The following NEO1 variants were observed in gnomAD, a reference collection of about 807,000 sequenced individuals.
NEO1 encodes neogenin 1, also known as neogenin.
NEO1 carries 63 observed loss-of-function variants against 159.7 expected under a neutral mutation model. That is an observed-to-expected ratio of 0.39 (90% CI 0.32 to 0.49). NEO1 has a LOEUF of 0.49. Among genes scored for constraint, NEO1 ranks in the 20% least tolerant of loss-of-function variants. NEO1 has a pLI of 0.85. For synonymous variants in NEO1, 633 were observed against 662.0 expected, an observed-to-expected ratio of 0.96 and a Z score of 0.67; for missense variants, 1,615 against 1,831.0, an observed-to-expected ratio of 0.88 and a Z score of 2.15.
At chr15:73,124,979 T>C (rs527581804) in intron 3 of NEO1, among the ~76,000 whole-genome samples, 3 of 152,356 alleles carry the variant, frequency 2.0e-5, no homozygotes, top group Non-Finnish European at 2.9e-5. Context: ...ATACCAATAT[T>C]ATTCAGTCTG....
chr15:73,274,955 A>C (rs1204392093), intron 21 of NEO1, among the ~76,000 whole-genome samples: 1 of 152,178 alleles, frequency 6.6e-6, no homozygotes. Context: ...CTGGTCCTGC[A>C]GCTGTAGGAG....
rs1021209652 is a variant in NEO1, at chr15:73,096,277, G to A, written c.131-20263G>A. 5.9e-5 allele frequency among the ~76,000 whole-genome samples: 9 copies of A among 152,186 alleles called. No homozygotes were observed. In the East Asian group the frequency reaches 9.6e-4, roughly 16 times the overall value. On this transcript the variant is annotated intron_variant, in intron 1 of 28. Transcript: ENST00000261908. ...AAGAAGTTGAGCAAACTTTTCACTC[G>A]ATAGATATCAAAACCATTGTGCCCA...
At chr15:73,080,040 A>G (rs1362242860) in intron 1 of NEO1, among the ~76,000 whole-genome samples, 1 of 152,182 alleles carries the variant, frequency 6.6e-6, no homozygotes, top group Non-Finnish European at 1.5e-5. Context: ...AGCTTTCTGA[A>G]GTTAGGTTAT....
At chr15:73,082,496 A>C (rs1173576761) in intron 1 of NEO1, among the ~76,000 whole-genome samples, 12 of 151,992 alleles carry the variant, frequency 7.9e-5, no homozygotes, top group Middle Eastern at 6.8e-3. Context: ...TTCAATGTGG[A>C]TAGTCATTGA....
intron 1 of NEO1, among the ~76,000 whole-genome samples, chr15:73,069,885 C>T (rs536042920): frequency 1.3e-5 from 2 of 152,260 alleles, no homozygotes; most frequent in Admixed American, 6.5e-5. Flanking sequence ...AGTTAGCAGT[C>T]TGCTTCCACC....
At chr15:73,134,244 A>G (rs1460001412) in intron 4 of NEO1, among the ~76,000 whole-genome samples, 2 of 152,110 alleles carry the variant, frequency 1.3e-5, no homozygotes, top group African/African-American at 2.4e-5. Context: ...TCTGTGTTTC[A>G]TCAGGTAAAC....
At chr15:73,116,900 A>G (rs369943617) in intron 2 of NEO1, 43 bp downstream of exon 2, 3 of 1,413,186 alleles carry the variant, frequency 2.1e-6, no homozygotes, top group Non-Finnish European at 2.9e-6. Context: ...TCAAATATTT[A>G]TAACATACAT....
intron 3 of NEO1, among the ~76,000 whole-genome samples, chr15:73,123,131 T>A (rs552182197): frequency 6.7e-6 from 1 of 148,556 alleles, no homozygotes. Context: ...CACTCCAGCC[T>A]GGGCGATAGA....
At chr15:73,263,927 T>C (rs2040762687) in intron 15 of NEO1, among the ~76,000 whole-genome samples, 1 of 152,186 alleles carries the variant, frequency 6.6e-6, no homozygotes, top group Non-Finnish European at 1.5e-5. Flanking sequence ...GGCTCACACC[T>C]CTAATCCCAG....
At chr15:73,056,152 G>A (rs1442817308) in intron 1 of NEO1, among the ~76,000 whole-genome samples, 2 of 152,138 alleles carry the variant, frequency 1.3e-5, no homozygotes, top group Non-Finnish European at 2.9e-5. Flanking sequence ...CTTTACCTCT[G>A]TTCTCCCAAA....
chr15:73,122,944 T>TA, intron 3 of NEO1, 144 bp downstream of exon 3: 4 of 983,932 alleles, frequency 4.1e-6, no homozygotes, highest in Admixed American at 2.4e-5. Flanking sequence ...TTGAAGCGGG[T>TA]GGATCACCTG....
chr15:73,177,698 T>C (rs1393924146), intron 6 of NEO1, among the ~76,000 whole-genome samples: 1 of 152,132 alleles, frequency 6.6e-6, no homozygotes, highest in Non-Finnish European at 1.5e-5. Flanking sequence ...CGCACTACCA[T>C]GACCAGCCAA....
At chr15:73,185,444 T>C (rs918545388) in intron 7 of NEO1, among the ~76,000 whole-genome samples, 5 of 152,316 alleles carry the variant, frequency 3.3e-5, no homozygotes, top group East Asian at 3.9e-4. Flanking sequence ...TACACACTTA[T>C]TAGGATAGTT....
intron 5 of NEO1, among the ~76,000 whole-genome samples, chr15:73,176,161 AG>A (rs1232217724): frequency 2.0e-5 from 3 of 152,320 alleles, no homozygotes; most frequent in East Asian, 3.9e-4. Flanking sequence ...GTTCCAAATA[AG>A]GAAACTCAGA....
chr15:73,234,067 T>C (rs1388592780), intron 7 of NEO1, among the ~76,000 whole-genome samples: 1 of 152,148 alleles, frequency 6.6e-6, no homozygotes. Context: ...GCAAACTTTC[T>C]CTCCTCTCTA....
chr15:73,272,143 C>T (rs528794967), intron 18 of NEO1, among the ~76,000 whole-genome samples: 32 of 152,264 alleles, frequency 2.1e-4, no homozygotes, highest in Admixed American at 1.6e-3. Flanking sequence ...ACTATGTGTA[C>T]GTTACCTGGT....
intron 28 of NEO1, among the ~76,000 whole-genome samples, chr15:73,301,812 C>T (rs1014275565): frequency 3.3e-5 from 5 of 152,126 alleles, no homozygotes; most frequent in Non-Finnish European, 7.4e-5. Context: ...GAACTACAGG[C>T]ACCCATCACC....
chr15:73,101,118 G>A (rs982473887), intron 1 of NEO1, among the ~76,000 whole-genome samples: 5 of 152,042 alleles, frequency 3.3e-5, no homozygotes, highest in African/African-American at 9.7e-5. Context: ...CCCTTTAAGC[G>A]TTACTTTAGT....
chr15:73,066,320 CTTT>C (rs35179965), intron 1 of NEO1, among the ~76,000 whole-genome samples: 15 of 110,226 alleles, frequency 1.4e-4, no homozygotes, highest in Admixed American at 2.8e-4. Flanking sequence ...CACCTGGCCT[CTTT>C]TTTTTTTTTT....
Sources: gnomAD v4.1 joint callset for allele counts (sites outside exome capture counted in the v4.1 genomes callset) on GRCh38, gnomAD v4.1.1 for gene constraint, MANE v1.5 for transcripts, NCBI Gene and HGNC (gene_info 2026-07-23, HGNC 2026-07-21) for gene names.